TAF3: variants seen among roughly 807,000 people sequenced by gnomAD.
TAF3 encodes the protein transcription initiation factor TFIID subunit 3.
Under a neutral mutation model 80.6 loss-of-function variants are expected in TAF3, and 7 were observed. The ratio of observed to expected loss-of-function variants is 0.09; its 90% confidence interval spans 0.05 to 0.16. The LOEUF (loss-of-function observed/expected upper bound fraction) is 0.16, where lower values mean the gene tolerates loss of function less well. Among genes scored for constraint, TAF3 ranks in the 10% least tolerant of loss-of-function variants. The pLI, the probability that TAF3 is intolerant of heterozygous loss-of-function variation, is 1.00. For synonymous variants in TAF3, 444 were observed against 446.1 expected, an observed-to-expected ratio of 1.00 and a Z score of 0.06; for missense variants, 921 against 1,140.2, an observed-to-expected ratio of 0.81 and a Z score of 2.77.
intron 2 of TAF3, among the ~76,000 whole-genome samples, chr10:7,872,075 TAAAG>T (rs1194672120): frequency 2.0e-5 from 3 of 152,192 alleles, no homozygotes; most frequent in Non-Finnish European, 2.9e-5. Context: ...TTATTTATAT[TAAAG>T]AAAGTCAGCG....
intron 2 of TAF3, among the ~76,000 whole-genome samples, chr10:7,926,791 T>G (rs1837819824): frequency 6.6e-6 from 1 of 152,244 alleles, no homozygotes; most frequent in African/African-American, 2.4e-5. Context: ...CTTTCAAGTT[T>G]AAGATTAGTA....
At chr10:7,939,899 G>T (rs1029628162) in intron 2 of TAF3, among the ~76,000 whole-genome samples, 1 of 151,982 alleles carries the variant, frequency 6.6e-6, no homozygotes, top group Non-Finnish European at 1.5e-5. Flanking sequence ...TAAAGGAAAT[G>T]AAATTATCAA....
intron 2 of TAF3, among the ~76,000 whole-genome samples, chr10:7,935,624 AGAGG>A (rs879281002): frequency 0.011 from 1,660 of 152,254 alleles, 17 homozygotes; most frequent in Middle Eastern, 0.031. Context: ...AAAGCTAAGT[AGAGG>A]GCCAGAGAAT....
chr10:7,884,166 A>G (rs1837386406), intron 2 of TAF3, among the ~76,000 whole-genome samples: 1 of 152,148 alleles, frequency 6.6e-6, no homozygotes, highest in East Asian at 1.9e-4. Context: ...GGAGGCAAAC[A>G]TTCAAACCGT....
intron 2 of TAF3, among the ~76,000 whole-genome samples, chr10:7,903,345 T>G (rs558766264): frequency 6.6e-5 from 10 of 152,346 alleles, no homozygotes; most frequent in African/African-American, 2.4e-4. Flanking sequence ...TCTCAGCTTT[T>G]GAACATTTTC....
At chr10:7,948,663 C>T (rs537602179) in intron 2 of TAF3, among the ~76,000 whole-genome samples, 1 of 152,204 alleles carries the variant, frequency 6.6e-6, no homozygotes, top group Admixed American at 6.5e-5. Flanking sequence ...CAGGCTGCCT[C>T]CTAAATAGGA....
rs532188706 is a variant in TAF3, at chr10:7,818,555, C to A, written c.-155C>A. ...TGGCGGCTCTCAGGCTGGCGCGCTCCGTGCTGCTGGGGCTTTGAGGTGGTC... is the reference window on the plus strand; with the variant it reads ...TGGCGGCTCTCAGGCTGGCGCGCTCAGTGCTGCTGGGGCTTTGAGGTGGTC... On this transcript the variant is annotated 5_prime_UTR_variant, in exon 1 of 7. Coordinates refer to ENST00000344293, the MANE Select transcript of TAF3 (RefSeq NM_031923.4). 13 of 730,890 alleles carry A rather than the reference C, an allele frequency of 1.8e-5. No individual in the cohort carries two copies. Among genetic ancestry groups the A allele is most frequent in the Non-Finnish European group, 2.2e-5 (11 of 493,300 alleles). The allele number at this position is 730,890 out of a possible 1,614,324, so 45.3% of individuals were successfully genotyped here.
chr10:7,955,758 T>C (rs1838129135), intron 2 of TAF3, among the ~76,000 whole-genome samples: 1 of 152,242 alleles, frequency 6.6e-6, no homozygotes, highest in South Asian at 2.1e-4. Context: ...TGCCTTGTTC[T>C]GTTTTTGTCT....
intron 2 of TAF3, among the ~76,000 whole-genome samples, chr10:7,957,029 T>C (rs1838142533): frequency 6.6e-6 from 1 of 152,140 alleles, no homozygotes; most frequent in African/African-American, 2.4e-5. Context: ...GTTTAATCAA[T>C]TATAACACAT....
intron 2 of TAF3, among the ~76,000 whole-genome samples, chr10:7,897,644 T>TTC (rs147433457): frequency 1.5e-4 from 22 of 151,186 alleles, no homozygotes; most frequent in Non-Finnish European, 2.2e-4. Flanking sequence ...CTAGTTCCTA[T>TTC]TCTCTCTCTC....
chr10:7,994,809 CAA>C (rs34669002), intron 4 of TAF3, among the ~76,000 whole-genome samples: 3,372 of 124,300 alleles, frequency 0.027, 141 homozygotes, highest in African/African-American at 0.094. Flanking sequence ...CTAAAAATAC[CAA>C]AAAAAAAAAA....
rs527356726 is a variant in TAF3 at position 7,871,435 on chromosome 10, C to CTTTTTTTTTTTTTTTTT, written c.409+46884_409+46900dup. ...CTAAATTGATGACAAATAACTGCTG[C>CTTTTTTTTTTTTTTTTT]TTTTTTTTTTTTTTTTTTTTTTTTT... On this transcript the variant is annotated intron_variant, in intron 2 of 6. Coordinates refer to ENST00000344293, the MANE Select transcript of TAF3 (RefSeq NM_031923.4). Among the ~76,000 whole-genome samples, 103 of 69,102 alleles carry CTTTTTTTTTTTTTTTTT rather than the reference C, an allele frequency of 1.5e-3. 6 individuals carry two copies. Among genetic ancestry groups the CTTTTTTTTTTTTTTTTT allele is most frequent in the Admixed American group, 2.5e-3 (11 of 4,418 alleles). 45.3% of individuals were successfully genotyped at this position (69,102 alleles called of 152,430 possible). A position where few individuals can be genotyped will look rare whatever the true frequency, so the allele number is the denominator to read the frequency against.
At position 8,006,179 on chromosome 10, in the gene TAF3, T is replaced by TACACACAC. The variant is rs59502450; in HGVS notation, c.2316-2861_2316-2854dup. Among the ~76,000 whole-genome samples the TACACACAC allele has an allele frequency of 5.7e-3, 768 of 134,668 alleles. 7 individuals are homozygous for TACACACAC. Among genetic ancestry groups the TACACACAC allele is most frequent in the African/African-American group, 0.017 (592 of 35,558 alleles). 88.3% of individuals were successfully genotyped at this position (134,668 alleles called of 152,430 possible). ...ACCCCGTCTCTACTGAAAAAAAAAA[T>TACACACAC]ACACACACACACACACACACACACA... On this transcript the variant is annotated intron_variant, in intron 4 of 6. Coordinates refer to ENST00000344293, the MANE Select transcript of TAF3 (RefSeq NM_031923.4).
intron 5 of TAF3, among the ~76,000 whole-genome samples, chr10:8,011,717 G>A (rs1278045037): frequency 6.6e-6 from 1 of 152,232 alleles, no homozygotes; most frequent in Non-Finnish European, 1.5e-5. Flanking sequence ...GAAAGATTTT[G>A]TACTTAACCT....
At chr10:7,912,690 A>G (rs4747628) in intron 2 of TAF3, among the ~76,000 whole-genome samples, 81,733 of 152,112 alleles carry the variant, frequency 0.54, 24,034 homozygotes, top group East Asian at 0.72. Context: ...ACTTTTGCAG[A>G]TATCAGAGTT....
chr10:7,929,802 G>A (rs1046721933), intron 2 of TAF3, among the ~76,000 whole-genome samples: 3 of 151,996 alleles, frequency 2.0e-5, no homozygotes, highest in Non-Finnish European at 2.9e-5. Context: ...TTTTACAGTG[G>A]TTCTAAAGTG....
At chr10:7,891,724 G>A (rs980465635) in intron 2 of TAF3, among the ~76,000 whole-genome samples, 11 of 152,158 alleles carry the variant, frequency 7.2e-5, no homozygotes, top group African/African-American at 2.4e-4. Context: ...AATTTCAATT[G>A]AATTACCTCC....
At chr10:7,847,739 C>T (rs981375992) in intron 2 of TAF3, among the ~76,000 whole-genome samples, 1 of 152,022 alleles carries the variant, frequency 6.6e-6, no homozygotes, top group Non-Finnish European at 1.5e-5. Flanking sequence ...GCTACCATGC[C>T]TGGTATGTTT....
At chr10:7,876,090 A>G (rs896803326) in intron 2 of TAF3, among the ~76,000 whole-genome samples, 4 of 152,022 alleles carry the variant, frequency 2.6e-5, no homozygotes, top group Non-Finnish European at 4.4e-5. Context: ...TCTTGTCTGT[A>G]TAATAAAGGG....
Sources: allele counts gnomAD v4.1 joint callset (sites outside exome capture counted in the v4.1 genomes callset), GRCh38; gene constraint gnomAD v4.1.1; transcripts MANE v1.5; gene names NCBI Gene and HGNC (gene_info 2026-07-23, HGNC 2026-07-21).